The following SYNE1 variants were observed in gnomAD, a reference collection of about 807,000 sequenced individuals.
SYNE1 encodes spectrin repeat containing nuclear envelope protein 1, also known as nesprin-1.
In SYNE1, 616 loss-of-function variants were observed where a neutral mutation model predicts 1,111.0. The ratio of observed to expected loss-of-function variants is 0.55; its 90% CI spans 0.52 to 0.59. The LOEUF (loss-of-function observed/expected upper bound fraction) is 0.59. Among genes scored for constraint, SYNE1 ranks in the 20% least tolerant of loss-of-function variants. The pLI is 0.00. For missense variants in SYNE1, 10,006 were observed against 10,417.0 expected, an observed-to-expected ratio of 0.96 and a Z score of 1.72; for synonymous variants, 3,855 against 3,825.8, an observed-to-expected ratio of 1.01 and a Z score of -0.28.
intron 13 of SYNE1, 80 bp downstream of exon 13, chr6:152,484,755 C>T (rs2098930596): frequency 6.7e-7 from 1 of 1,487,742 alleles, no homozygotes; most frequent in Non-Finnish European, 9.3e-7. Context: ...GTTGCCATAC[C>T]ACTGTGTAGA....
intron 49 of SYNE1, among the ~76,000 whole-genome samples, chr6:152,398,127 C>T (rs1438327724): frequency 6.6e-6 from 1 of 152,114 alleles, no homozygotes; most frequent in African/African-American, 2.4e-5. Flanking sequence ...CATTTCTTAA[C>T]TCTACTTCAC....
intron 130 of SYNE1, chr6:152,168,280 G>T (rs1402485030): frequency 3.1e-6 from 2 of 637,912 alleles, no homozygotes; most frequent in Admixed American, 2.5e-5. Flanking sequence ...GTTTCCCCTT[G>T]TCTGTGTATA....
intron 130 of SYNE1, among the ~76,000 whole-genome samples, chr6:152,173,268 A>G (rs1233634747): frequency 6.6e-6 from 1 of 152,206 alleles, no homozygotes; most frequent in African/African-American, 2.4e-5. Context: ...TTATCAGTAA[A>G]TCTTTTTCTT....
Position 152,318,275 on chromosome 6 carries a change from C to G in SYNE1, c.16390-12G>C. ...TCCTCTCCCAGCACCTTGATGGTCA[C>G]CAAAATGAAAGAACATTAGAGTACA... On this transcript the variant is annotated splice_polypyrimidine_tract_variant and intron_variant, in intron 85 of 145. Coordinates refer to ENST00000367255, the MANE Select transcript of SYNE1 (RefSeq NM_182961.4). 6.2e-7 allele frequency: 1 copy of G among 1,614,056 alleles called. No individual in the cohort carries two copies. Among genetic ancestry groups the G allele is most frequent in the Non-Finnish European group, 8.5e-7 (1 of 1,180,002 alleles).
intron 13 of SYNE1, 149 bp downstream of exon 13, chr6:152,484,686 G>T: frequency 1.2e-6 from 1 of 808,148 alleles, no homozygotes; most frequent in East Asian, 2.7e-5. Context: ...ACTAGACAAG[G>T]AGGCAAAGAT....
At chr6:152,270,805 G>C (rs1398702199) in intron 98 of SYNE1, among the ~76,000 whole-genome samples, 1 of 152,268 alleles carries the variant, frequency 6.6e-6, no homozygotes, top group Non-Finnish European at 1.5e-5. Flanking sequence ...TTTTAGGGAG[G>C]CCTAAGGAAG....
At chr6:152,318,405 T>A (rs1205524203) in intron 85 of SYNE1, 142 bp from the exon 86 acceptor site, 3 of 967,958 alleles carry the variant, frequency 3.1e-6, no homozygotes, top group Non-Finnish European at 3.1e-6. Flanking sequence ...AGGTCATTTT[T>A]GTTTCTTCGG....
rs758067112 is a variant in SYNE1 at position 152,385,881 on chromosome 6, A to G, written c.8488-43T>C. On this transcript the variant is annotated intron_variant, in intron 54 of 145. Transcript: ENST00000367255. ...GACTACCTTAACAGTGGTCCTTTTGAGAACATGAACTCAGGTAAGACAACA... is the reference window on the plus strand; with the variant it reads ...GACTACCTTAACAGTGGTCCTTTTGGGAACATGAACTCAGGTAAGACAACA... 12 of 1,603,788 alleles carry G rather than the reference A, an allele frequency of 7.5e-6. No homozygotes were observed. In the Admixed American group the frequency reaches 1.7e-4, roughly 22 times the overall value.
At chr6:152,467,851 A>T (rs1296355209) in intron 16 of SYNE1, among the ~76,000 whole-genome samples, 1 of 152,104 alleles carries the variant, frequency 6.6e-6, no homozygotes. Flanking sequence ...TTTTTTCTGA[A>T]CATGGAGTAA....
chr6:152,136,112 T>A (rs1157617572), intron 141 of SYNE1, among the ~76,000 whole-genome samples: 1 of 152,324 alleles, frequency 6.6e-6, no homozygotes, highest in African/African-American at 2.4e-5. Flanking sequence ...CGTCTGCAAG[T>A]ATCTGGTTTA....
In SYNE1 at chr6:152,376,912, C is replaced by G; in HGVS notation, c.9010G>C (p.Glu3004Gln). The G allele has an allele frequency of 6.2e-7, 1 of 1,613,752 alleles. No homozygotes were observed. Among genetic ancestry groups the G allele is most frequent in the Non-Finnish European group, 8.5e-7 (1 of 1,179,980 alleles). The change falls in exon 57 of 146, where the codon GAG becomes CAG. Residue 3004 changes from glutamate to glutamine, a missense_variant and splice_region_variant. Coordinates refer to ENST00000367255, the MANE Select transcript of SYNE1 (RefSeq NM_182961.4). The part of the protein sequence containing the change: ...EIVECWHKGQ[E>Q]ILDALQKAEP... ...GCTTTTTGCAAAGCATCCAGTATCT[C>G]CTGTTCAGAAATAATGAGACAAAGA...
Position 152,140,059 on chromosome 6 carries a change from T to C in SYNE1, c.25349A>G (p.Asn8450Ser), listed in dbSNP as rs771221660. ...GTCCCCCAGCCAGGCCCAGATGCTG[T>C]TCAAGTCTGAGTTAAACTGCTGCCA... The part of the protein sequence containing the change: ...QKWQQFNSDL[N>S]SIWAWLGDTE... Residue 8450 changes from asparagine (N) to serine (S), a missense_variant, in exon 140 of 146, where the codon AAC (asparagine) becomes AGC (serine). Physicochemically the swap from Asn to Ser is conservative, Grantham distance 46. Around this residue, in one of 7 missense-constraint regions of SYNE1, gnomAD observed 761 missense variants for 795.5 expected, o/e 0.96. Coordinates refer to ENST00000367255, the MANE Select transcript of SYNE1 (RefSeq NM_182961.4). 2 of 1,614,194 alleles carry C rather than the reference T, an allele frequency of 1.2e-6. No individual in the cohort carries two copies. The highest frequency in any genetic ancestry group is 3.3e-5 in the Admixed American group (2 of 60,022).
At chr6:152,137,652 T>C (rs2152761461) in intron 140 of SYNE1, among the ~76,000 whole-genome samples, 1 of 152,260 alleles carries the variant, frequency 6.6e-6, no homozygotes, top group Middle Eastern at 3.4e-3. Context: ...CCAATCCAGT[T>C]AGGGTGAGAG....
At chr6:152,364,689 G>GAAGGAAGGAAGC (rs2097023364) in intron 63 of SYNE1, among the ~76,000 whole-genome samples, 158 bp downstream of exon 63, 1 of 89,230 alleles carries the variant, frequency 1.1e-5, no homozygotes, top group Non-Finnish European at 2.7e-5. Context: ...GAGGAAGGAG[G>GAAGGAAGGAAGC]AAGGAAGGAA....
At chr6:152,502,612 T>A (rs1278273858) in intron 10 of SYNE1, 21 bp downstream of exon 10, 22 of 1,576,846 alleles carry the variant, frequency 1.4e-5, no homozygotes, top group Non-Finnish European at 1.9e-5. Flanking sequence ...CCAGTGATAC[T>A]TGAAGAAAGC....
At chr6:152,130,823 C>G (rs1368315199) in intron 144 of SYNE1, 45 bp from the exon 145 acceptor site, 1 of 1,600,208 alleles carries the variant, frequency 6.2e-7, no homozygotes. Context: ...ATGTTCAGTC[C>G]AGGCAAATAA....
intron 103 of SYNE1, 65 bp from the exon 104 acceptor site, chr6:152,255,154 T>C (rs2090504055): frequency 7.3e-7 from 1 of 1,375,978 alleles, no homozygotes; most frequent in Admixed American, 2.0e-5. Context: ...AATCATGTTA[T>C]TTTCTCATAG....
chr6:152,342,411 G>A (rs911263330), intron 74 of SYNE1, among the ~76,000 whole-genome samples: 4 of 152,142 alleles, frequency 2.6e-5, no homozygotes, highest in African/African-American at 9.7e-5. Context: ...AATATAGGCA[G>A]TCTTTAATTC....
At chr6:152,438,888 TTGAA>T (rs1564021913) in intron 32 of SYNE1, among the ~76,000 whole-genome samples, 1 of 152,178 alleles carries the variant, frequency 6.6e-6, no homozygotes, top group African/African-American at 2.4e-5. Context: ...GCTCTGTTTT[TTGAA>T]TGAAAAAATA....
Sources: allele counts gnomAD v4.1 joint callset (sites outside exome capture counted in the v4.1 genomes callset), GRCh38; gene constraint gnomAD v4.1.1; regional missense constraint gnomAD v4.1.1; transcripts MANE v1.5; gene names NCBI Gene and HGNC (gene_info 2026-07-23, HGNC 2026-07-21).